Variants in GPC6 observed in about 807,000 individuals in gnomAD.
The protein encoded by GPC6 is glypican-6.
GPC6 carries 14 observed loss-of-function variants against 55.2 expected under a neutral mutation model. The ratio of observed to expected loss-of-function variants is 0.25; its 90% CI spans 0.17 to 0.40. The LOEUF (loss-of-function observed/expected upper bound fraction) is 0.40. GPC6 is among the 10% of genes least tolerant of loss of function. GPC6 has a pLI of 1.00. For synonymous variants in GPC6, 278 were observed against 259.6 expected (o/e 1.07, Z -0.68); for missense variants, 641 against 708.5 (o/e 0.90, Z 1.08).
At position 94,375,533 on chromosome 13, in the gene GPC6, A is replaced by C. The variant is rs556133282; in HGVS notation, c.1153-6881A>C. 1.1e-4 allele frequency among the ~76,000 whole-genome samples: 16 copies of C among 152,078 alleles called. No individual in the cohort carries two copies. The East Asian group carries it at 3.1e-3, about 29-fold the overall frequency. ...AATCTCTGAATAGACCAATAACAGG[A>C]TCTGAAATTGTGGCAATAATCAATA... On this transcript the variant is annotated intron_variant, in intron 6 of 8. Transcript: ENST00000377047.
chr13:93,655,226 T>G (rs1880611409), intron 2 of GPC6, among the ~76,000 whole-genome samples: 3 of 152,044 alleles, frequency 2.0e-5, no homozygotes, highest in Admixed American at 2.0e-4. Flanking sequence ...AACAGTTTTC[T>G]TTTTTTCCCC....
At chr13:93,885,125 C>T (rs1176061332) in intron 3 of GPC6, among the ~76,000 whole-genome samples, 1 of 152,054 alleles carries the variant, frequency 6.6e-6, no homozygotes, top group Admixed American at 6.6e-5. Flanking sequence ...GATAAACAGA[C>T]AATTACACTA....
At chr13:93,609,357 G>A (rs993814832) in intron 2 of GPC6, among the ~76,000 whole-genome samples, 26 of 152,232 alleles carry the variant, frequency 1.7e-4, no homozygotes, top group African/African-American at 3.6e-4. Context: ...TGGGATTACC[G>A]GCACACGCCA....
At chr13:93,999,302 T>C (rs147610704) in intron 3 of GPC6, among the ~76,000 whole-genome samples, 2 of 152,292 alleles carry the variant, frequency 1.3e-5, no homozygotes, top group Admixed American at 6.5e-5. Flanking sequence ...GTTCTTATGA[T>C]AGTTTGCTGA....
chr13:94,248,748 C>T (rs58579729), intron 4 of GPC6, among the ~76,000 whole-genome samples: 1 of 151,994 alleles, frequency 6.6e-6, no homozygotes, highest in Non-Finnish European at 1.5e-5. Context: ...CATGCTCACA[C>T]ACATCGCCAG....
At chr13:93,344,886 A>G (rs930360426) in intron 1 of GPC6, among the ~76,000 whole-genome samples, 2 of 152,210 alleles carry the variant, frequency 1.3e-5, no homozygotes, top group Non-Finnish European at 2.9e-5. Context: ...GGAATTTAGG[A>G]AAGGTAATGA....
At chr13:93,775,214 AG>A (rs1885428981) in intron 2 of GPC6, among the ~76,000 whole-genome samples, 1 of 152,156 alleles carries the variant, frequency 6.6e-6, no homozygotes, top group Non-Finnish European at 1.5e-5. Context: ...TATGTTGCCC[AG>A]GCTGAACTTG....
At chr13:93,260,151 C>A (rs1877092741) in intron 1 of GPC6, among the ~76,000 whole-genome samples, 1 of 152,042 alleles carries the variant, frequency 6.6e-6, no homozygotes, top group Admixed American at 6.6e-5. Flanking sequence ...AGCAGTATAA[C>A]TTAGTGATCA....
chr13:94,220,797 C>T (rs1453402690), intron 4 of GPC6, among the ~76,000 whole-genome samples: 1 of 152,044 alleles, frequency 6.6e-6, no homozygotes, highest in African/African-American at 2.4e-5. Context: ...GTCAATAGGA[C>T]ACTAGTCTTG....
At chr13:93,758,258 G>C (rs1254784537) in intron 2 of GPC6, among the ~76,000 whole-genome samples, 1 of 152,180 alleles carries the variant, frequency 6.6e-6, no homozygotes, top group African/African-American at 2.4e-5. Context: ...GCAGCTGTCT[G>C]AGGTGCAACA....
intron 1 of GPC6, among the ~76,000 whole-genome samples, chr13:93,419,238 A>G (rs1876834201): frequency 1.3e-5 from 2 of 151,764 alleles, no homozygotes; most frequent in South Asian, 2.1e-4. Context: ...AATAATATAC[A>G]TATATTCTCT....
intron 1 of GPC6, among the ~76,000 whole-genome samples, chr13:93,279,695 C>G (rs990241523): frequency 1.3e-5 from 2 of 152,188 alleles, no homozygotes; most frequent in Non-Finnish European, 1.5e-5. Context: ...CATAGCTCAT[C>G]TCTCTTCTTT....
chr13:94,350,201 G>C (rs1878476961), intron 6 of GPC6, among the ~76,000 whole-genome samples: 1 of 152,024 alleles, frequency 6.6e-6, no homozygotes, highest in Non-Finnish European at 1.5e-5. Flanking sequence ...CCTGTCAGTG[G>C]AAGTCCTTCC....
chr13:93,361,155 C>T (rs1881027695), intron 1 of GPC6, among the ~76,000 whole-genome samples: 1 of 152,136 alleles, frequency 6.6e-6, no homozygotes, highest in Non-Finnish European at 1.5e-5. Context: ...GCCCTTGGTT[C>T]CTGTCACAGT....
At chr13:94,031,075 C>T (rs533453872) in intron 4 of GPC6, among the ~76,000 whole-genome samples, 13 of 147,862 alleles carry the variant, frequency 8.8e-5, no homozygotes, top group South Asian at 2.2e-4. Context: ...TGTGCGTGTG[C>T]GTGTGCGTGT....
intron 3 of GPC6, among the ~76,000 whole-genome samples, chr13:93,838,564 C>A (rs1441873695): frequency 1.3e-5 from 2 of 152,122 alleles, no homozygotes; most frequent in Non-Finnish European, 2.9e-5. Flanking sequence ...GAGCTGTGGA[C>A]CACCAGCTAA....
chr13:94,291,726 G>A, intron 5 of GPC6, among the ~76,000 whole-genome samples: 1 of 147,752 alleles, frequency 6.8e-6, no homozygotes. Flanking sequence ...AAGAAACCCT[G>A]GGACACTCTT....
intron 2 of GPC6, among the ~76,000 whole-genome samples, chr13:93,802,304 T>A (rs1886399746): frequency 6.6e-6 from 1 of 152,190 alleles, no homozygotes; most frequent in Non-Finnish European, 1.5e-5. Flanking sequence ...TACTTGGATA[T>A]GGATACTCAA....
chr13:93,965,524 A>G lies in GPC6; in HGVS notation c.712-62205A>G, dbSNP rs75015378. The stretch of plus-strand genomic sequence containing the variant: ...GACCTTGTACCTTGCTTTGACCAGC[A>G]GGATATGGTAGATGTGATGCCATGG... On this transcript the variant is annotated intron_variant, in intron 3 of 8. Transcript: ENST00000377047. Among the ~76,000 whole-genome samples the G allele has an allele frequency of 6.7e-3, 1,019 of 152,270 alleles. 12 individuals are homozygous for G. Among genetic ancestry groups the G allele is most frequent in the African/African-American group, 0.023 (950 of 41,552 alleles).
Sources: allele counts gnomAD v4.1 joint callset (sites outside exome capture counted in the v4.1 genomes callset), GRCh38; gene constraint gnomAD v4.1.1; transcripts MANE v1.5; gene names NCBI Gene and HGNC (gene_info 2026-07-23, HGNC 2026-07-21).